Variants in RFX7 observed in about 807,000 individuals in gnomAD.
RFX7 encodes the protein DNA-binding protein RFX7.
In RFX7, 26 loss-of-function variants were observed where a neutral mutation model predicts 111.8. The observed-to-expected ratio is 0.23, with a 90% CI of 0.17 to 0.32. RFX7 has a LOEUF of 0.32. RFX7 is among the 10% of genes least tolerant of loss of function. The pLI, the probability that RFX7 is intolerant of heterozygous loss-of-function variation, is 1.00. For synonymous variants in RFX7, 624 were observed against 624.4 expected, an observed-to-expected ratio of 1.00 and a Z score of 0.01; for missense variants, 1,573 against 1,772.9, an observed-to-expected ratio of 0.89 and a Z score of 2.02.
At chr15:56,143,081 G>GT (rs2042423272) in intron 4 of RFX7, among the ~76,000 whole-genome samples, 181 bp from the exon 5 acceptor site, 2 of 152,074 alleles carry the variant, frequency 1.3e-5, no homozygotes, top group African/African-American at 4.8e-5. Flanking sequence ...TATAGCTAGT[G>GT]TAAGACTGAA....
Position 56,096,634 on chromosome 15 carries a change from G to A in RFX7, c.1108-14C>T, listed in dbSNP as rs780242705. 1.3e-6 allele frequency: 2 copies of A among 1,548,240 alleles called. No individual in the cohort carries two copies. Among genetic ancestry groups the A allele is most frequent in the Non-Finnish European group, 1.7e-6 (2 of 1,143,670 alleles). ...AGTCCGCTGGACCTGTTAAAAGATA[G>A]CAAAAAATCAGATTTAACAGGTCTA... On this transcript the variant is annotated splice_polypyrimidine_tract_variant and intron_variant, in intron 9 of 9. Coordinates refer to ENST00000559447, the MANE Select transcript of RFX7 (RefSeq NM_022841.7).
At chr15:56,216,208 T>C (rs1474560679) in intron 2 of RFX7, among the ~76,000 whole-genome samples, 1 of 152,210 alleles carries the variant, frequency 6.6e-6, no homozygotes, top group Non-Finnish European at 1.5e-5. Context: ...TCTGAGTTTG[T>C]ATAAGATTAG....
At chr15:56,241,818 A>G (rs994705215) in intron 2 of RFX7, among the ~76,000 whole-genome samples, 14 of 152,190 alleles carry the variant, frequency 9.2e-5, no homozygotes, top group African/African-American at 3.4e-4. Flanking sequence ...CCTTTAAAAT[A>G]TTTAAACTTC....
At chr15:56,134,328 A>G (rs1394321416) in intron 5 of RFX7, among the ~76,000 whole-genome samples, 2 of 152,182 alleles carry the variant, frequency 1.3e-5, no homozygotes, top group African/African-American at 4.8e-5. Context: ...TTCCGCTCTA[A>G]TCACTCTTAC....
In RFX7 at chr15:56,093,302, A is replaced by G. The variant is rs377589551; in HGVS notation, c.*43T>C. 33 of 1,491,234 alleles carry G rather than the reference A, an allele frequency of 2.2e-5. No individual in the cohort carries two copies. The African/African-American group carries it at 3.9e-4, about 18-fold the overall frequency. 92.4% of individuals were successfully genotyped at this position (1,491,234 alleles called of 1,614,324 possible). ...ACTTCCATTAAGACAAATACAATAC[A>G]TATGTCTTTAGATACAGTGTGCTAC... On this transcript the variant is annotated 3_prime_UTR_variant, in exon 10 of 10. Coordinates refer to ENST00000559447, the MANE Select transcript of RFX7 (RefSeq NM_022841.7).
chr15:56,221,472 T>A (rs1287332043), intron 2 of RFX7, among the ~76,000 whole-genome samples: 1 of 152,138 alleles, frequency 6.6e-6, no homozygotes, highest in Middle Eastern at 3.2e-3. Flanking sequence ...AAAGTATATC[T>A]CTTGTAGACA....
At chr15:56,102,730 A>C (rs1234119899) in intron 6 of RFX7, among the ~76,000 whole-genome samples, 1 of 152,226 alleles carries the variant, frequency 6.6e-6, no homozygotes, top group African/African-American at 2.4e-5. Context: ...AGACACATCA[A>C]AACATTTTTG....
chr15:56,159,723 C>T (rs1241891087), intron 3 of RFX7, among the ~76,000 whole-genome samples: 1 of 152,030 alleles, frequency 6.6e-6, no homozygotes, highest in South Asian at 2.1e-4. Flanking sequence ...TTCGGTGTTC[C>T]TGTTTGCTCC....
chr15:56,208,820 TTG>T (rs1193909596), intron 2 of RFX7, among the ~76,000 whole-genome samples: 1 of 152,010 alleles, frequency 6.6e-6, no homozygotes, highest in East Asian at 1.9e-4. Context: ...GAGGTTTAAC[TTG>T]GTAGAAACCA....
chr15:56,167,325 A>G (rs184484763), intron 3 of RFX7, among the ~76,000 whole-genome samples: 107 of 152,246 alleles, frequency 7.0e-4, no homozygotes, highest in African/African-American at 2.4e-3. Flanking sequence ...GGAAAAAAAA[A>G]GTTATTTCTC....
chr15:56,115,434 G>A (rs1198195565), intron 5 of RFX7, among the ~76,000 whole-genome samples: 1 of 152,150 alleles, frequency 6.6e-6, no homozygotes, highest in Non-Finnish European at 1.5e-5. Context: ...ACACGTGTGT[G>A]GTGGAAGGGG....
At chr15:56,181,865 C>A (rs1411680260) in intron 2 of RFX7, among the ~76,000 whole-genome samples, 1 of 152,142 alleles carries the variant, frequency 6.6e-6, no homozygotes, top group Non-Finnish European at 1.5e-5. Context: ...CGGGGCCACA[C>A]AGCAGGAGGT....
rs550234584 is a variant in RFX7 at position 56,101,441 on chromosome 15, T to C, written c.729A>G (p.Glu243=). 9 of 1,613,452 alleles carry C rather than the reference T, an allele frequency of 5.6e-6. No homozygotes were observed. Among genetic ancestry groups the C allele is most frequent in the Non-Finnish European group, 7.6e-6 (9 of 1,179,760 alleles). The change falls in exon 8 of 10, where the codon GAA becomes GAG. Residue 243 remains glutamate, a synonymous_variant. Coordinates refer to ENST00000559447, the MANE Select transcript of RFX7 (RefSeq NM_022841.7). ...GACTTTTTACAAGGAAGCGGGCTAA[T>C]TCCAAGACGGTGTCAAATGGTTGGC... The part of the protein sequence containing the change: ...VLSQPFDTVL[E]LARFLVKSHY...
chr15:56,244,539 TCCTTCGTG>T (rs1230119005), upstream of RFX7, among the ~76,000 whole-genome samples: 3 of 152,106 alleles, frequency 2.0e-5, no homozygotes, highest in Non-Finnish European at 4.4e-5. Flanking sequence ...GATTCATTCT[TCCTTCGTG>T]CCTTTGCTCA....
At chr15:56,199,935 A>G (rs553102424) in intron 2 of RFX7, among the ~76,000 whole-genome samples, 93 of 152,298 alleles carry the variant, frequency 6.1e-4, no homozygotes, top group African/African-American at 2.1e-3. Context: ...TGACTTGTAC[A>G]AGGTCACACA....
chr15:56,104,483 T>A (rs2041802504), intron 5 of RFX7, among the ~76,000 whole-genome samples: 1 of 152,162 alleles, frequency 6.6e-6, no homozygotes, highest in Admixed American at 6.5e-5. Context: ...TTCCCTTGTC[T>A]CCGCCTCACC....
chr15:56,221,734 C>A (rs1446839754), intron 2 of RFX7, among the ~76,000 whole-genome samples: 3 of 152,058 alleles, frequency 2.0e-5, no homozygotes, highest in African/African-American at 4.8e-5. Flanking sequence ...CAATATATAT[C>A]CTTAATCTAT....
At chr15:56,243,006 G>A (rs984891329) in intron 2 of RFX7, 119 bp downstream of exon 2, 24 of 734,592 alleles carry the variant, frequency 3.3e-5, no homozygotes, top group African/African-American at 3.3e-4. Flanking sequence ...ACTGGGGAAA[G>A]CCACATTCAA....
At chr15:56,114,432 C>CAACAACAACAAAAA (rs2041980600) in intron 5 of RFX7, among the ~76,000 whole-genome samples, 1 of 130,824 alleles carries the variant, frequency 7.6e-6, no homozygotes, top group Non-Finnish European at 1.7e-5. Flanking sequence ...AAAAAACAAA[C>CAACAACAACAAAAA]AACAACAACA....
Sources: allele counts gnomAD v4.1 joint callset (sites outside exome capture counted in the v4.1 genomes callset), GRCh38; gene constraint gnomAD v4.1.1; transcripts MANE v1.5; gene names NCBI Gene and HGNC (gene_info 2026-07-23, HGNC 2026-07-21).